Variants in ARID1B observed in about 807,000 individuals in gnomAD.
The protein encoded by ARID1B is AT-rich interaction domain 1B.
In ARID1B, 30 loss-of-function variants were observed where a neutral mutation model predicts 212.3. The ratio of observed to expected loss-of-function variants is 0.14; its 90% CI spans 0.11 to 0.19. The LOEUF (loss-of-function observed/expected upper bound fraction) is 0.19, where lower values mean the gene tolerates loss of function less well. Ranked by LOEUF, ARID1B falls within the 10% of genes least tolerant of loss-of-function variation. The probability of loss-of-function intolerance (pLI) is 1.00; values close to 1 mark genes in which losing one functional copy is unlikely to be tolerated. For synonymous variants in ARID1B, 1,402 were observed against 1,301.7 expected, an observed-to-expected ratio of 1.08 and a Z score of -1.66; for missense variants, 2,891 against 3,204.0, an observed-to-expected ratio of 0.90 and a Z score of 2.36.
chr6:156,871,136 T>C (rs1786094930), intron 2 of ARID1B, among the ~76,000 whole-genome samples: 1 of 152,272 alleles, frequency 6.6e-6, no homozygotes, highest in Non-Finnish European at 1.5e-5. Flanking sequence ...TCATCGTTTC[T>C]CCTTTCTTGT....
intron 4 of ARID1B, among the ~76,000 whole-genome samples, chr6:157,040,738 C>T (rs1781832910): frequency 6.6e-6 from 1 of 152,158 alleles, no homozygotes; most frequent in Middle Eastern, 3.2e-3. Flanking sequence ...ACTTTTTACT[C>T]TAGTCAAATG....
At chr6:156,824,831 G>A (rs1782629968) in intron 1 of ARID1B, among the ~76,000 whole-genome samples, 1 of 151,940 alleles carries the variant, frequency 6.6e-6, no homozygotes, top group Non-Finnish European at 1.5e-5. Flanking sequence ...GAAGCAGCTT[G>A]GCCCTTTTGT....
chr6:156,927,678 T>G (rs181310223), intron 3 of ARID1B, among the ~76,000 whole-genome samples: 1 of 152,356 alleles, frequency 6.6e-6, no homozygotes, highest in East Asian at 1.9e-4. Context: ...GCTGCTAACA[T>G]GATAAATATT....
chr6:156,795,854 T>A (rs1349085645), intron 1 of ARID1B, among the ~76,000 whole-genome samples: 1 of 152,108 alleles, frequency 6.6e-6, no homozygotes, highest in East Asian at 1.9e-4. Context: ...TAATTGCCAA[T>A]AAAACTACAT....
At position 156,953,433 on chromosome 6, in the gene ARID1B, A is replaced by G. The variant is rs1793734086; in HGVS notation, c.2247+17857A>G. On this transcript the variant is annotated intron_variant, in intron 4 of 19. Coordinates refer to ENST00000636930, the MANE Select transcript of ARID1B (RefSeq NM_001374828.1). ...TAATTTGAATGAGAAAGAAGATGGT[A>G]GAAACTATTTTTATTTTCTCCTGGG... Among the ~76,000 whole-genome samples the G allele has an allele frequency of 2.6e-5, 4 of 152,240 alleles. No homozygotes were observed. The South Asian group carries it at 8.3e-4, about 32-fold the overall frequency.
chr6:157,109,684 T>C (rs1786758505), intron 5 of ARID1B, among the ~76,000 whole-genome samples: 1 of 152,244 alleles, frequency 6.6e-6, no homozygotes, highest in East Asian at 1.9e-4. Context: ...ACATGACTCA[T>C]TATCTCTCTT....
intron 8 of ARID1B, among the ~76,000 whole-genome samples, chr6:157,155,137 G>A (rs1336276187): frequency 6.6e-6 from 1 of 152,178 alleles, no homozygotes; most frequent in Non-Finnish European, 1.5e-5. Context: ...GTGCAGCTCA[G>A]AGTTAGATTG....
intron 2 of ARID1B, among the ~76,000 whole-genome samples, chr6:156,842,909 T>C (rs921936497): frequency 2.0e-5 from 3 of 151,114 alleles, no homozygotes; most frequent in African/African-American, 7.4e-5. Context: ...AAACTCTAAG[T>C]AGAGAATTCT....
At chr6:157,020,997 G>C (rs1019216685) in intron 4 of ARID1B, among the ~76,000 whole-genome samples, 3 of 152,234 alleles carry the variant, frequency 2.0e-5, no homozygotes, top group Admixed American at 1.3e-4. Flanking sequence ...AACTTTTAGC[G>C]CTTGCCCTGA....
Position 157,167,145 on chromosome 6 carries a change from G to A in ARID1B, c.3195G>A (p.Pro1065=), listed in dbSNP as rs537901478. ...CTAGCCTGATGAACACGCAGGCGCC[G>A]CCCTACAGCATGGCGCCCGCCATGG... The part of the protein sequence containing the change: ...NSSSLMNTQA[P]PYSMAPAMVN... Residue 1065 remains proline, a synonymous_variant, in exon 9 of 20, where the codon CCG becomes CCA. Transcript: ENST00000636930. 990 of 1,610,524 alleles carry A rather than the reference G, an allele frequency of 6.1e-4. 16 individuals carry two copies. In the South Asian group the frequency reaches 0.01, roughly 17 times the overall value.
At chr6:156,963,869 C>A (rs1463364287) in intron 4 of ARID1B, among the ~76,000 whole-genome samples, 8 of 152,236 alleles carry the variant, frequency 5.3e-5, no homozygotes, top group African/African-American at 1.7e-4. Context: ...ATACAATAAT[C>A]TCTAGCATGA....
intron 4 of ARID1B, among the ~76,000 whole-genome samples, chr6:157,036,077 G>C (rs1781309951): frequency 1.3e-5 from 2 of 152,162 alleles, no homozygotes; most frequent in Admixed American, 1.3e-4. Flanking sequence ...AAAATACTCA[G>C]ATGTGTTCTG....
chr6:157,146,946 A>G (rs930483248), intron 7 of ARID1B, among the ~76,000 whole-genome samples: 8 of 152,124 alleles, frequency 5.3e-5, no homozygotes, highest in African/African-American at 1.4e-4. Context: ...CTTGAGCTTC[A>G]GTACTAATCT....
In ARID1B at chr6:157,207,031, G is replaced by A. The variant is rs1206220417; in HGVS notation, c.6259G>A (p.Glu2087Lys). ...SLSFVPGNDA[E>K]MSKHPGLVLI... ...GTCATTCGTGCCTGGCAATGATGCC[G>A]AAATGTCCAAACATCCAGGCCTGGT... Residue 2087 changes from glutamate to lysine, a missense_variant, in exon 20 of 20, where the codon GAA (glutamate) becomes AAA (lysine). Glu to Lys is a moderately conservative substitution (Grantham distance 56). Transcript: ENST00000636930. The surrounding 1 kb of genome is among the most constrained non-coding windows in gnomAD (Gnocchi z 8.5). 4.3e-6 allele frequency: 7 copies of A among 1,614,086 alleles called. No individual in the cohort carries two copies. Among genetic ancestry groups the A allele is most frequent in the South Asian group, 1.1e-5 (1 of 91,076 alleles).
At chr6:157,202,359 T>G (rs1047579698) in intron 18 of ARID1B, among the ~76,000 whole-genome samples, 9 of 152,302 alleles carry the variant, frequency 5.9e-5, no homozygotes, top group South Asian at 2.1e-4. Flanking sequence ...ACAAATTGAC[T>G]TAAAATCTTT....
intron 4 of ARID1B, among the ~76,000 whole-genome samples, chr6:156,992,472 C>T (rs142471601): frequency 6.6e-6 from 1 of 152,318 alleles, no homozygotes; most frequent in Non-Finnish European, 1.5e-5. Context: ...AGTGGTTCCA[C>T]AGCTTTGTTC....
intron 4 of ARID1B, among the ~76,000 whole-genome samples, chr6:156,965,555 A>T (rs6940978): frequency 2.0e-5 from 3 of 152,190 alleles, no homozygotes; most frequent in African/African-American, 4.8e-5. Context: ...TTGTAGAAAG[A>T]GTAGATTAAA....
rs1393493897 is a variant in ARID1B at position 157,190,260 on chromosome 6, T to C, written c.4231+50T>C. ...GGCCATGGACCAGTGGGCATTCTAC[T>C]CTCTGCCGTTCCACAACAGTTCACC... On this transcript the variant is annotated intron_variant, in intron 15 of 19. Coordinates refer to ENST00000636930, the MANE Select transcript of ARID1B (RefSeq NM_001374828.1). This position sits in a 1 kb window ranked among gnomAD's most constrained non-coding sequence, Gnocchi z 4.6. 2 of 1,549,056 alleles carry C rather than the reference T, an allele frequency of 1.3e-6. No individual in the cohort carries two copies. Among genetic ancestry groups the C allele is most frequent in the Non-Finnish European group, 1.7e-6 (2 of 1,152,934 alleles).
intron 5 of ARID1B, among the ~76,000 whole-genome samples, chr6:157,089,849 G>C (rs1290413614): frequency 6.6e-6 from 1 of 152,116 alleles, no homozygotes; most frequent in Admixed American, 6.5e-5. Flanking sequence ...TATTAGACAT[G>C]ATGCTGATAT....
Sources: allele counts gnomAD v4.1 joint callset (sites outside exome capture counted in the v4.1 genomes callset), GRCh38; gene constraint gnomAD v4.1.1; non-coding constraint Gnocchi (gnomAD v3.1); transcripts MANE v1.5; gene names NCBI Gene and HGNC (gene_info 2026-07-23, HGNC 2026-07-21).